The following DTNA variants were observed in gnomAD, a reference collection of about 807,000 sequenced individuals.
The protein encoded by DTNA is dystrophin-related protein 3.
In DTNA, 43 loss-of-function variants were observed where a neutral mutation model predicts 100.7. The observed-to-expected ratio is 0.43, with a 90% CI of 0.33 to 0.55. The LOEUF (loss-of-function observed/expected upper bound fraction) is 0.55, where lower values mean the gene tolerates loss of function less well. Ranked by LOEUF, DTNA falls within the 20% of genes least tolerant of loss-of-function variation. The probability of loss-of-function intolerance (pLI) is 0.04; values close to 1 mark genes in which losing one functional copy is unlikely to be tolerated. For synonymous variants in DTNA, 349 were observed against 347.9 expected (o/e 1.00, Z -0.04); for missense variants, 798 against 953.9 (o/e 0.84, Z 2.15).
Position 34,815,904 on chromosome 18 carries a change from T to C in DTNA, c.604-5T>C, listed in dbSNP as rs754121026. ...CCTAAATTTATGGGGGGTTTTTTTA[T>C]GCAGAAAAAAGTCACGTTAAATGGT... On this transcript the variant is annotated splice_polypyrimidine_tract_variant and splice_region_variant and intron_variant, in intron 6 of 22. Coordinates refer to ENST00000444659, the MANE Select transcript of DTNA (RefSeq NM_001386795.1). The C allele has an allele frequency of 6.2e-7, 1 of 1,613,132 alleles. No individual in the cohort carries two copies. The highest frequency in any genetic ancestry group is 8.5e-7 in the Non-Finnish European group (1 of 1,179,154).
intron 1 of DTNA, among the ~76,000 whole-genome samples, chr18:34,562,755 A>G (rs1307305768): frequency 1.3e-5 from 2 of 152,206 alleles, no homozygotes; most frequent in Non-Finnish European, 2.9e-5. Flanking sequence ...TATTTTAACA[A>G]GCCTCCTGGT....
chr18:34,500,218 G>T (rs1217128949), intron 1 of DTNA, among the ~76,000 whole-genome samples: 1 of 151,840 alleles, frequency 6.6e-6, no homozygotes, highest in Admixed American at 6.6e-5. Context: ...AATGTCTTTG[G>T]TATCTTTTAC....
At chr18:34,755,853 A>T in intron 1 of DTNA, 123 bp from the exon 2 acceptor site, 1 of 829,060 alleles carries the variant, frequency 1.2e-6, no homozygotes, top group Non-Finnish European at 2.0e-6. Flanking sequence ...TTTTAAAACA[A>T]ACAGTTTTAA....
chr18:34,664,985 C>T (rs1599796666), intron 1 of DTNA, among the ~76,000 whole-genome samples: 2 of 141,704 alleles, frequency 1.4e-5, no homozygotes, highest in South Asian at 2.2e-4. Context: ...TCTTCTTCTT[C>T]TTTTTTTTTT....
intron 7 of DTNA, among the ~76,000 whole-genome samples, chr18:34,817,304 C>T (rs1310081387): frequency 1.3e-5 from 2 of 152,110 alleles, no homozygotes; most frequent in African/African-American, 4.8e-5. Context: ...CATTGTTTTT[C>T]CTGACTGGTT....
rs996128784 is a variant in DTNA, at chr18:34,590,926, G to A, written c.-2+97412G>A. On this transcript the variant is annotated intron_variant, in intron 1 of 19. Coordinates refer to the DTNA transcript ENST00000283365. ...CATCTGGACTAATGTTCCTATTCCCGTTGTTGAGTGTTCTGAGATTTCTAA... is the reference window on the plus strand; with the variant it reads ...CATCTGGACTAATGTTCCTATTCCCATTGTTGAGTGTTCTGAGATTTCTAA... Among the ~76,000 whole-genome samples the A allele has an allele frequency of 4.6e-5, 7 of 152,106 alleles. No homozygotes were observed. The East Asian group carries it at 5.8e-4, about 13-fold the overall frequency.
chr18:34,645,710 T>A (rs1233741396), intron 1 of DTNA, among the ~76,000 whole-genome samples: 1 of 151,844 alleles, frequency 6.6e-6, no homozygotes, highest in Non-Finnish European at 1.5e-5. Flanking sequence ...AAATAGGGAG[T>A]CTCTTCAGTT....
At chr18:34,619,539 T>C (rs758678352) in intron 1 of DTNA, among the ~76,000 whole-genome samples, 1 of 152,122 alleles carries the variant, frequency 6.6e-6, no homozygotes, top group African/African-American at 2.4e-5. Context: ...ACTTCATAAA[T>C]AGAATCAACA....
At chr18:34,612,901 A>G (rs374452222) in intron 1 of DTNA, among the ~76,000 whole-genome samples, 13 of 152,344 alleles carry the variant, frequency 8.5e-5, no homozygotes, top group African/African-American at 3.1e-4. Context: ...CCTTCATGCT[A>G]TACCTTATTA....
intron 1 of DTNA, among the ~76,000 whole-genome samples, chr18:34,701,265 A>C (rs886695990): frequency 1.3e-5 from 2 of 152,092 alleles, no homozygotes; most frequent in African/African-American, 2.4e-5. Context: ...ACATTCCCCC[A>C]AAAAAGGTTC....
In DTNA at chr18:34,735,506, C is replaced by T. The variant is rs369239886; in HGVS notation, c.-1-20470C>T. Among the ~76,000 whole-genome samples the T allele has an allele frequency of 3.5e-4, 53 of 152,202 alleles. 1 individual carries two copies. The highest frequency in any genetic ancestry group is 1.1e-3 in the African/African-American group (47 of 41,546). On this transcript the variant is annotated intron_variant, in intron 1 of 22. Transcript: ENST00000444659. ...TGTGCATTATAAACCAAGAAGAGCACGAAGACATTTTTTAATGGATTCTTT... is the reference window on the plus strand; with the variant it reads ...TGTGCATTATAAACCAAGAAGAGCATGAAGACATTTTTTAATGGATTCTTT...
At chr18:34,707,235 C>G (rs1345070523), upstream of DTNA, among the ~76,000 whole-genome samples, 1 of 152,118 alleles carries the variant, frequency 6.6e-6, no homozygotes, top group Non-Finnish European at 1.5e-5. Context: ...CCTCCTGCTT[C>G]TATGGGACTA....
In DTNA at chr18:34,827,661, C is replaced by T. The variant is rs1602806990; in HGVS notation, c.1070C>T (p.Pro357Leu). 27 of 1,613,874 alleles carry T rather than the reference C, an allele frequency of 1.7e-5. No homozygotes were observed. In the East Asian group the frequency reaches 5.8e-4, roughly 35 times the overall value. ...FSHSVPSSGS[P>L]FITRRLPEGI... ...CACTCTGTTCCCTCCTCAGGAAGTC[C>T]TTTTATTACCAGGAGGTAAGTTCCA... The change falls in exon 10 of 23, where the codon CCT (proline) becomes CTT (leucine). Residue 357 changes from proline to leucine, a missense_variant. Physicochemically the swap from Pro to Leu is moderately conservative, Grantham distance 98 (BLOSUM62 -3). Coordinates refer to ENST00000444659, the MANE Select transcript of DTNA (RefSeq NM_001386795.1).
At chr18:34,887,628 A>AGT in intron 22 of DTNA, 138 bp from the exon 23 acceptor site, 53 of 567,676 alleles carry the variant, frequency 9.3e-5, no homozygotes, top group Non-Finnish European at 1.0e-4. Flanking sequence ...GTAGGAAAGG[A>AGT]GTGTGTGTGT....
intron 3 of DTNA, among the ~76,000 whole-genome samples, chr18:34,788,223 C>T (rs1433103348): frequency 2.0e-5 from 3 of 152,184 alleles, no homozygotes; most frequent in African/African-American, 7.2e-5. Context: ...ATTTATACAA[C>T]TGTCAGACTT....
chr18:34,605,020 A>G (rs576353657), intron 1 of DTNA, among the ~76,000 whole-genome samples: 4 of 150,200 alleles, frequency 2.7e-5, no homozygotes, highest in African/African-American at 9.8e-5. Flanking sequence ...TGTTTTTTTT[A>G]ACTTAGAAAC....
intron 1 of DTNA, among the ~76,000 whole-genome samples, chr18:34,496,661 G>C (rs1015783317): frequency 6.6e-6 from 1 of 152,124 alleles, no homozygotes; most frequent in African/African-American, 2.4e-5. Context: ...TGCACAGGGG[G>C]ACAAGTTTTA....
chr18:34,848,323 T>G lies in DTNA; in HGVS notation c.1374T>G (p.Asp458Glu). The part of the protein sequence containing the change: ...SCMLESSNRL[D>E]EEHRLIARYA... The stretch of plus-strand genomic sequence containing the variant: ...TGCTTGAGAGTTCAAACCGGCTTGA[T>G]GAAGAACACAGGCTAATTGCCAGGT... The change falls in exon 14 of 23, where the codon GAT becomes GAG. Residue 458 changes from aspartate to glutamate, a missense_variant. Transcript: ENST00000444659. 1 of 1,614,080 alleles carries G rather than the reference T, an allele frequency of 6.2e-7. No homozygotes were observed. The highest frequency in any genetic ancestry group is 1.1e-5 in the South Asian group (1 of 91,078).
intron 1 of DTNA, among the ~76,000 whole-genome samples, chr18:34,555,567 T>C (rs144749403): frequency 6.6e-6 from 1 of 152,228 alleles, no homozygotes; most frequent in Non-Finnish European, 1.5e-5. Flanking sequence ...GAGATTCTAG[T>C]GTGTTGTGTC....
Sources: gnomAD v4.1 joint callset for allele counts (sites outside exome capture counted in the v4.1 genomes callset) on GRCh38, gnomAD v4.1.1 for gene constraint, MANE v1.5 for transcripts, NCBI Gene and HGNC (gene_info 2026-07-23, HGNC 2026-07-21) for gene names.